EDARADD: variants seen among roughly 807,000 people sequenced by gnomAD.
EDARADD encodes the protein EDAR associated via death domain.
EDARADD carries 20 observed loss-of-function variants against 25.6 expected under a neutral mutation model. The observed-to-expected ratio is 0.78, with a 90% confidence interval of 0.55 to 1.14. The LOEUF (loss-of-function observed/expected upper bound fraction) is 1.14. EDARADD is among the 50% of genes most tolerant of loss of function. The pLI, the probability that EDARADD is intolerant of heterozygous loss-of-function variation, is 0.00. For missense variants in EDARADD, 225 were observed against 270.1 expected (o/e 0.83, Z 1.17); for synonymous variants, 86 against 94.4 (o/e 0.91, Z 0.52).
Position 236,421,033 on chromosome 1 carries a change from C to CGG in EDARADD, c.161-6359_161-6358insGG, listed in dbSNP as rs1309853118. On this transcript the variant is annotated intron_variant, in intron 3 of 5. Coordinates refer to ENST00000334232, the MANE Select transcript of EDARADD (RefSeq NM_145861.4). ...ACAGGTGTGAGCCACTGTGCCCTGC[C>CGG]AGGAGAATGTGTTTTGATTGTCTCC... Among the ~76,000 whole-genome samples, 126 of 94,262 alleles carry CGG rather than the reference C, an allele frequency of 1.3e-3. 7 individuals carry two copies. Among genetic ancestry groups the CGG allele is most frequent in the Non-Finnish European group, 3.0e-3 (101 of 33,902 alleles). The allele number at this position is 94,262 out of a possible 152,430, so 61.8% of individuals were successfully genotyped here.
At chr1:236,402,239 G>T (rs754893733) in intron 1 of EDARADD, among the ~76,000 whole-genome samples, 1 of 152,222 alleles carries the variant, frequency 6.6e-6, no homozygotes, top group Non-Finnish European at 1.5e-5. Flanking sequence ...TGGGATTACA[G>T]ATGTGAGCCA....
At chr1:236,413,541 G>A (rs1471295218) in intron 2 of EDARADD, among the ~76,000 whole-genome samples, 1 of 152,162 alleles carries the variant, frequency 6.6e-6, no homozygotes, top group African/African-American at 2.4e-5. Flanking sequence ...AGGGGACAGG[G>A]TTGGGAAATT....
At chr1:236,442,660 C>T (rs1658431813) in intron 4 of EDARADD, among the ~76,000 whole-genome samples, 1 of 152,214 alleles carries the variant, frequency 6.6e-6, no homozygotes, top group Non-Finnish European at 1.5e-5. Context: ...GCTTGGATAA[C>T]AGCACATCTG....
intron 4 of EDARADD, among the ~76,000 whole-genome samples, chr1:236,463,554 G>A (rs1659097427): frequency 6.6e-6 from 1 of 152,226 alleles, no homozygotes; most frequent in South Asian, 2.1e-4. Flanking sequence ...CGCCTCCCCA[G>A]TGCTGGGATT....
chr1:236,458,486 T>C (rs1571948129), intron 4 of EDARADD, among the ~76,000 whole-genome samples: 1 of 152,272 alleles, frequency 6.6e-6, no homozygotes, highest in East Asian at 1.9e-4. Context: ...AGTACCTAGA[T>C]TGTAACCAGT....
At chr1:236,375,881 TG>T (rs769266470) in intron 3 of EDARADD, among the ~76,000 whole-genome samples, 57 of 150,566 alleles carry the variant, frequency 3.8e-4, no homozygotes, top group African/African-American at 1.2e-3. Flanking sequence ...ATTGAGCCCC[TG>T]TCTCTAAAAA....
At chr1:236,375,473 T>C (rs1028008692) in intron 3 of EDARADD, among the ~76,000 whole-genome samples, 5 of 152,006 alleles carry the variant, frequency 3.3e-5, no homozygotes, top group Non-Finnish European at 5.9e-5. Flanking sequence ...CTGGCCAACA[T>C]GGTGAAACCC....
chr1:236,454,375 C>T lies in EDARADD; in HGVS notation c.220-13856C>T, dbSNP rs1658799203. 2.0e-5 allele frequency among the ~76,000 whole-genome samples: 3 copies of T among 152,266 alleles called. No individual in the cohort carries two copies. The South Asian group carries it at 6.2e-4, about 32-fold the overall frequency. The stretch of plus-strand genomic sequence containing the variant: ...GAGTTTGTATCTTCAGTGGGACACG[C>T]CCCTTTGTCTTTGACCCCTCACACA... On this transcript the variant is annotated intron_variant, in intron 4 of 5. Transcript: ENST00000334232.
intron 1 of EDARADD, among the ~76,000 whole-genome samples, chr1:236,397,690 A>G (rs1336498885): frequency 6.6e-6 from 1 of 152,144 alleles, no homozygotes; most frequent in African/African-American, 2.4e-5. Context: ...CTACAAAGAG[A>G]AAGGAGGCCT....
Position 236,427,461 on chromosome 1 carries a change from T to G in EDARADD, c.219+11T>G, listed in dbSNP as rs1276974573. On this transcript the variant is annotated intron_variant, in intron 4 of 5. Transcript: ENST00000334232. Reference sequence around the variant, plus strand: ...GATATGAAAAATCAGGTAAGAATAATTTCAACTATATTTTACCCTTAGGTA... The same window carrying G: ...GATATGAAAAATCAGGTAAGAATAAGTTCAACTATATTTTACCCTTAGGTA... 6.2e-7 allele frequency: 1 copy of G among 1,610,358 alleles called. No individual in the cohort carries two copies. The highest frequency in any genetic ancestry group is 8.5e-7 in the Non-Finnish European group (1 of 1,177,930).
rs908999310 is a variant in EDARADD at position 236,437,792 on chromosome 1, A to G, written c.219+10342A>G. On this transcript the variant is annotated intron_variant, in intron 4 of 5. Transcript: ENST00000334232. Reference sequence around the variant, plus strand: ...AGACTTGCTCTGTCACCCAGGCCAGAGTGCAATGGCGTGATCTCAGATCTC... The same window carrying G: ...AGACTTGCTCTGTCACCCAGGCCAGGGTGCAATGGCGTGATCTCAGATCTC... 1.1e-4 allele frequency among the ~76,000 whole-genome samples: 15 copies of G among 134,962 alleles called. No individual in the cohort carries two copies. In the South Asian group the frequency reaches 3.5e-3, roughly 31 times the overall value. 88.5% of individuals were successfully genotyped at this position (134,962 alleles called of 152,430 possible). A position where few individuals can be genotyped will look rare whatever the true frequency, so the allele number is the denominator to read the frequency against.
intron 3 of EDARADD, among the ~76,000 whole-genome samples, chr1:236,357,734 G>A (rs638431): frequency 0.35 from 52,787 of 151,694 alleles, 9,480 homozygotes; most frequent in African/African-American, 0.44. Flanking sequence ...GCACCGAGAC[G>A]TGAGGGATCT....
chr1:236,357,782 T>C (rs948185979), intron 3 of EDARADD, among the ~76,000 whole-genome samples: 1 of 151,954 alleles, frequency 6.6e-6, no homozygotes, highest in African/African-American at 2.4e-5. Flanking sequence ...AGGTCCCACC[T>C]CCAACATGGG....
upstream of EDARADD, among the ~76,000 whole-genome samples, chr1:236,393,007 ACTC>A (rs1667445500): frequency 6.6e-6 from 1 of 151,546 alleles, no homozygotes; most frequent in South Asian, 2.1e-4. Context: ...CTGGTCTTGA[ACTC>A]CTTGCCTCAA....
At chr1:236,361,475 G>GCCCC (rs962033201) in intron 3 of EDARADD, among the ~76,000 whole-genome samples, 6 of 149,736 alleles carry the variant, frequency 4.0e-5, no homozygotes, top group African/African-American at 1.2e-4. Context: ...AATTACAGGT[G>GCCCC]CCCACCACCA....
At chr1:236,432,255 C>G (rs960585005) in intron 4 of EDARADD, among the ~76,000 whole-genome samples, 2 of 151,586 alleles carry the variant, frequency 1.3e-5, no homozygotes, top group African/African-American at 4.9e-5. Flanking sequence ...ATTAACCACA[C>G]CTGTGGTCCC....
At chr1:236,351,451 G>A (rs530592489) in intron 3 of EDARADD, among the ~76,000 whole-genome samples, 7 of 152,042 alleles carry the variant, frequency 4.6e-5, no homozygotes, top group Non-Finnish European at 8.8e-5. Context: ...TGGGCGCGGT[G>A]GCTCATGCCT....
intron 5 of EDARADD, among the ~76,000 whole-genome samples, 152 bp from the exon 6 acceptor site, chr1:236,482,114 CA>C (rs374553103): frequency 0.04 from 2,947 of 73,270 alleles, 69 homozygotes; most frequent in African/African-American, 0.11. Flanking sequence ...GACTCCATCT[CA>C]AAAAAAAAAA....
At chr1:236,478,617 C>T (rs967993180) in intron 5 of EDARADD, among the ~76,000 whole-genome samples, 2 of 152,086 alleles carry the variant, frequency 1.3e-5, no homozygotes, top group South Asian at 2.1e-4. Context: ...GACGGAGTCT[C>T]GCTCTGTCAC....
Sources: gnomAD v4.1 joint callset for allele counts (sites outside exome capture counted in the v4.1 genomes callset) on GRCh38, gnomAD v4.1.1 for gene constraint, MANE v1.5 for transcripts, NCBI Gene and HGNC (gene_info 2026-07-23, HGNC 2026-07-21) for gene names.